The following MACROD2 variants were observed in gnomAD, a reference collection of about 807,000 sequenced individuals.
MACROD2 encodes ADP-ribose glycohydrolase MACROD2.
A neutral mutation model predicts 70.4 loss-of-function variants in MACROD2; 36 were observed. The ratio of observed to expected loss-of-function variants is 0.51; its 90% CI spans 0.39 to 0.68. The LOEUF is 0.68. Among genes scored for constraint, MACROD2 ranks in the 30% least tolerant of loss-of-function variants. MACROD2 has a pLI of 0.00. For synonymous variants in MACROD2, 172 were observed against 178.8 expected, an observed-to-expected ratio of 0.96 and a Z score of 0.30; for missense variants, 496 against 538.4, an observed-to-expected ratio of 0.92 and a Z score of 0.78.
chr20:15,058,122 C>G (rs2075501506), intron 5 of MACROD2, among the ~76,000 whole-genome samples: 2 of 152,140 alleles, frequency 1.3e-5, no homozygotes, highest in Admixed American at 1.3e-4. Flanking sequence ...AGGGGAAGGG[C>G]ATAGTCTTTC....
chr20:14,271,970 G>A (rs2082200281), intron 3 of MACROD2, among the ~76,000 whole-genome samples: 1 of 152,116 alleles, frequency 6.6e-6, no homozygotes, highest in Admixed American at 6.5e-5. Context: ...AACGAACAAA[G>A]CCTCCAAGAA....
At chr20:14,785,445 C>T (rs1009103200) in intron 5 of MACROD2, among the ~76,000 whole-genome samples, 3 of 151,956 alleles carry the variant, frequency 2.0e-5, no homozygotes, top group Non-Finnish European at 4.4e-5. Context: ...TAAATGAATT[C>T]AAATGAAGTC....
chr20:14,064,698 C>T (rs1292250777), intron 2 of MACROD2, among the ~76,000 whole-genome samples: 3 of 152,140 alleles, frequency 2.0e-5, no homozygotes, highest in East Asian at 1.9e-4. Flanking sequence ...TTTAGGCTCC[C>T]TTTCAATCCT....
At chr20:15,953,091 A>T (rs1264753510) in intron 12 of MACROD2, among the ~76,000 whole-genome samples, 1 of 152,144 alleles carries the variant, frequency 6.6e-6, no homozygotes, top group Non-Finnish European at 1.5e-5. Context: ...ACATGATGTT[A>T]AGGGAAATGA....
intron 15 of MACROD2, among the ~76,000 whole-genome samples, chr20:16,014,302 A>T (rs554929119): frequency 6.6e-6 from 1 of 152,200 alleles, no homozygotes; most frequent in Non-Finnish European, 1.5e-5. Flanking sequence ...TCTCACCTAC[A>T]AAGTTGGGAT....
intron 6 of MACROD2, among the ~76,000 whole-genome samples, chr20:15,241,762 CAAA>C (rs200361392): frequency 7.3e-4 from 68 of 92,610 alleles, no homozygotes; most frequent in Middle Eastern, 6.1e-3. Context: ...GTATTTCTCT[CAAA>C]AAAAAAAAAA....
intron 5 of MACROD2, among the ~76,000 whole-genome samples, chr20:15,203,891 T>G (rs1481530643): frequency 2.0e-5 from 3 of 152,060 alleles, no homozygotes; most frequent in Non-Finnish European, 2.9e-5. Flanking sequence ...TACACACAGA[T>G]AGTAATGAAT....
chr20:15,756,018 G>C (rs1018129819), intron 8 of MACROD2, among the ~76,000 whole-genome samples: 8 of 152,090 alleles, frequency 5.3e-5, no homozygotes, highest in African/African-American at 1.9e-4. Flanking sequence ...AGAATAGATG[G>C]TACCTCAGGT....
intron 6 of MACROD2, among the ~76,000 whole-genome samples, chr20:15,242,045 C>T (rs945876178): frequency 6.6e-6 from 1 of 152,036 alleles, no homozygotes; most frequent in Non-Finnish European, 1.5e-5. Flanking sequence ...CAGCAGATAC[C>T]ACCATAATCA....
intron 4 of MACROD2, among the ~76,000 whole-genome samples, chr20:14,530,137 AC>A (rs1387066387): frequency 6.6e-6 from 1 of 152,108 alleles, no homozygotes; most frequent in Non-Finnish European, 1.5e-5. Flanking sequence ...GGGTAATTGT[AC>A]CCCAGCTTTT....
At chr20:14,876,865 G>T (rs575684428) in intron 5 of MACROD2, among the ~76,000 whole-genome samples, 5 of 152,240 alleles carry the variant, frequency 3.3e-5, no homozygotes, top group African/African-American at 1.2e-4. Flanking sequence ...GGTTACTGTG[G>T]TCTTACAATA....
chr20:15,259,659 A>G (rs1466422751), intron 6 of MACROD2, among the ~76,000 whole-genome samples: 4 of 152,084 alleles, frequency 2.6e-5, no homozygotes, highest in African/African-American at 7.2e-5. Context: ...GGCAGTGAAG[A>G]CAGAGATGAT....
chr20:14,020,185 A>G (rs1421043183), intron 2 of MACROD2, among the ~76,000 whole-genome samples: 2 of 152,074 alleles, frequency 1.3e-5, no homozygotes, highest in African/African-American at 2.4e-5. Flanking sequence ...CAGAAAGCCC[A>G]TTGTCAGCCG....
intron 3 of MACROD2, among the ~76,000 whole-genome samples, chr20:14,216,938 AT>A (rs1601359752): frequency 6.6e-6 from 1 of 152,276 alleles, no homozygotes; most frequent in Non-Finnish European, 1.5e-5. Context: ...AAGGTAAACA[AT>A]CATATTGTCA....
At chr20:14,029,306 C>A (rs1394901174) in intron 2 of MACROD2, among the ~76,000 whole-genome samples, 1 of 152,140 alleles carries the variant, frequency 6.6e-6, no homozygotes, top group Admixed American at 6.5e-5. Context: ...GGGGAAAAAA[C>A]GCATCATAGA....
At chr20:15,889,005 C>T (rs6043597) in intron 10 of MACROD2, among the ~76,000 whole-genome samples, 15,855 of 152,090 alleles carry the variant, frequency 0.1, 1,365 homozygotes, top group East Asian at 0.27. Context: ...CAAATGCAAC[C>T]GACACTAATG....
intron 4 of MACROD2, among the ~76,000 whole-genome samples, chr20:14,615,261 T>C (rs143044901): frequency 2.3e-4 from 35 of 152,196 alleles, no homozygotes; most frequent in African/African-American, 7.7e-4. Flanking sequence ...AATTCCCAGA[T>C]ACAAGTGACA....
chr20:14,785,719 T>C (rs1046072373), intron 5 of MACROD2, among the ~76,000 whole-genome samples: 7 of 152,088 alleles, frequency 4.6e-5, no homozygotes, highest in Non-Finnish European at 7.3e-5. Flanking sequence ...TTATTTTCAA[T>C]CTCACCTGAG....
At chr20:15,160,162 G>A (rs1200011870) in intron 5 of MACROD2, among the ~76,000 whole-genome samples, 1 of 151,926 alleles carries the variant, frequency 6.6e-6, no homozygotes, top group African/African-American at 2.4e-5. Context: ...TGTTGAAGGT[G>A]GTTGAAAAAG....
Sources: allele counts gnomAD v4.1 joint callset (sites outside exome capture counted in the v4.1 genomes callset), GRCh38; gene constraint gnomAD v4.1.1; transcripts MANE v1.5; gene names NCBI Gene and HGNC (gene_info 2026-07-23, HGNC 2026-07-21).